PACRG: variants seen among roughly 807,000 people sequenced by gnomAD.
The protein encoded by PACRG is parkin coregulated.
Under a neutral mutation model 29.7 loss-of-function variants are expected in PACRG, and 29 were observed. The ratio of observed to expected loss-of-function variants is 0.98; its 90% CI spans 0.73 to 1.33. The LOEUF is 1.33. PACRG is among the 40% of genes most tolerant of loss of function. The pLI is 0.00. For synonymous variants in PACRG, 116 were observed against 118.7 expected (o/e 0.98, Z 0.15); for missense variants, 279 against 316.2 (o/e 0.88, Z 0.89).
chr6:163,035,972 A>G (rs946462405), intron 2 of PACRG, among the ~76,000 whole-genome samples: 6 of 152,136 alleles, frequency 3.9e-5, no homozygotes, highest in African/African-American at 1.4e-4. Flanking sequence ...ACTGGGAACA[A>G]TGAAAGGAAA....
At chr6:163,102,416 A>G (rs1199526493) in intron 4 of PACRG, among the ~76,000 whole-genome samples, 1 of 152,218 alleles carries the variant, frequency 6.6e-6, no homozygotes, top group Non-Finnish European at 1.5e-5. Flanking sequence ...CACCATCAAC[A>G]TAACCCTCCT....
rs73014993 is a variant in PACRG at position 163,181,562 on chromosome 6, C to T, written c.613+92154C>T. Among the ~76,000 whole-genome samples the T allele has an allele frequency of 7.9e-3, 1,067 of 134,698 alleles. 7 individuals carry two copies. Among genetic ancestry groups the T allele is most frequent in the South Asian group, 0.048 (198 of 4,132 alleles). The allele number at this position is 134,698 out of a possible 152,430, so 88.4% of individuals were successfully genotyped here. A position where few individuals can be genotyped will look rare whatever the true frequency, so the allele number is the denominator to read the frequency against. On this transcript the variant is annotated intron_variant, in intron 4 of 4. Transcript: ENST00000366888. ...GAGGATTTGCCCCTGGAAATGGGTC[C>T]TCATGGACAGGGGAGAATCAGAGAT...
chr6:163,122,959 C>A (rs1275792382), intron 4 of PACRG, among the ~76,000 whole-genome samples: 2 of 152,158 alleles, frequency 1.3e-5, no homozygotes, highest in African/African-American at 2.4e-5. Context: ...ACACCAGGGT[C>A]CTTTGTCTCA....
chr6:162,954,876 T>C (rs1799906045), intron 2 of PACRG, among the ~76,000 whole-genome samples: 1 of 152,236 alleles, frequency 6.6e-6, no homozygotes, highest in African/African-American at 2.4e-5. Flanking sequence ...CAGCTGGTTT[T>C]ACCTTTTTAT....
chr6:162,952,032 T>C (rs1799690385), intron 2 of PACRG, among the ~76,000 whole-genome samples: 1 of 152,182 alleles, frequency 6.6e-6, no homozygotes, highest in African/African-American at 2.4e-5. Flanking sequence ...AGATTTGTCC[T>C]TAAACAAAAA....
At chr6:162,914,257 AT>A (rs1313169345) in intron 2 of PACRG, among the ~76,000 whole-genome samples, 1 of 151,998 alleles carries the variant, frequency 6.6e-6, no homozygotes, top group African/African-American at 2.4e-5. Context: ...TAAATTGTCT[AT>A]TTTTTTCCAT....
intron 4 of PACRG, chr6:163,112,180 T>C: frequency 3.1e-6 from 1 of 321,774 alleles, no homozygotes; most frequent in Non-Finnish European, 4.5e-6. Flanking sequence ...CTGATGGAAC[T>C]TTTTTTGAAG....
chr6:162,980,670 T>C (rs1802335587), intron 2 of PACRG, among the ~76,000 whole-genome samples: 1 of 152,190 alleles, frequency 6.6e-6, no homozygotes, highest in Non-Finnish European at 1.5e-5. Context: ...TGCAGAAGGA[T>C]AATTTGCTCA....
intron 4 of PACRG, among the ~76,000 whole-genome samples, chr6:163,133,362 G>A (rs909248780): frequency 1.2e-4 from 19 of 152,284 alleles, no homozygotes; most frequent in African/African-American, 4.3e-4. Context: ...ACAAGTCTCT[G>A]CATCAAGGAG....
chr6:163,295,570 AT>A (rs567133152), intron 4 of PACRG, among the ~76,000 whole-genome samples: 2 of 152,204 alleles, frequency 1.3e-5, no homozygotes, highest in African/African-American at 4.8e-5. Flanking sequence ...AGAAAGTAAC[AT>A]TTTTTAGCAC....
intron 4 of PACRG, among the ~76,000 whole-genome samples, chr6:163,277,335 A>G (rs1488664230): frequency 6.6e-6 from 1 of 151,900 alleles, no homozygotes; most frequent in Non-Finnish European, 1.5e-5. Flanking sequence ...GCTCCCATGT[A>G]TGAGTGAGAA....
chr6:163,313,025 G>C (rs181129335), intron 4 of PACRG: 1 of 203,498 alleles, frequency 4.9e-6, no homozygotes, highest in Non-Finnish European at 1.0e-5. Flanking sequence ...CAAAGTGCTG[G>C]TATTACAGGC....
Position 163,065,804 on chromosome 6 carries a change from G to A in PACRG, c.463+3483G>A, listed in dbSNP as rs757258303. Among the ~76,000 whole-genome samples the A allele has an allele frequency of 4.6e-5, 7 of 152,166 alleles. No homozygotes were observed. In the East Asian group the frequency reaches 5.8e-4, roughly 13 times the overall value. On this transcript the variant is annotated intron_variant, in intron 3 of 4. Coordinates refer to ENST00000366888, the MANE Select transcript of PACRG (RefSeq NM_001080379.2). ...CAGGACAAGGCAAACTGAAAATGCC[G>A]TAGTAGAACTAAAATCTCCATAGAA... is the stretch of plus-strand genomic sequence containing the variant.
chr6:163,017,363 A>T (rs2128217620), intron 2 of PACRG, among the ~76,000 whole-genome samples: 1 of 152,332 alleles, frequency 6.6e-6, no homozygotes, highest in Middle Eastern at 3.4e-3. Flanking sequence ...AACATCATTT[A>T]CAAAATCTAC....
chr6:162,728,549 G>A (rs1397215357), intron 1 of PACRG, among the ~76,000 whole-genome samples, 158 bp downstream of exon 1: 8 of 152,206 alleles, frequency 5.3e-5, no homozygotes, highest in African/African-American at 1.9e-4. Flanking sequence ...GCCCCACAGT[G>A]TGTGGGGGGC....
intron 1 of PACRG, among the ~76,000 whole-genome samples, chr6:162,757,832 T>C (rs1229876386): frequency 1.3e-5 from 2 of 152,104 alleles, no homozygotes; most frequent in Non-Finnish European, 2.9e-5. Flanking sequence ...AAAAGACCAA[T>C]ATTCTGTAGA....
At chr6:162,886,025 A>G (rs569068847) in intron 2 of PACRG, among the ~76,000 whole-genome samples, 1 of 152,280 alleles carries the variant, frequency 6.6e-6, no homozygotes, top group African/African-American at 2.4e-5. Flanking sequence ...CTGATGCAGA[A>G]TCTAGTCCAG....
chr6:163,035,833 A>AC, intron 2 of PACRG, among the ~76,000 whole-genome samples: 1 of 151,424 alleles, frequency 6.6e-6, no homozygotes, highest in East Asian at 1.9e-4. Flanking sequence ...AAAAAAAAAA[A>AC]ACAAAGAATG....
intron 4 of PACRG, among the ~76,000 whole-genome samples, chr6:163,283,717 C>T (rs1488621816): frequency 3.3e-5 from 5 of 150,464 alleles, no homozygotes; most frequent in East Asian, 2.0e-4. Context: ...AGGAGAATGG[C>T]GTGAACCCGG....
Sources: gnomAD v4.1 joint callset for allele counts (sites outside exome capture counted in the v4.1 genomes callset) on GRCh38, gnomAD v4.1.1 for gene constraint, MANE v1.5 for transcripts, NCBI Gene and HGNC (gene_info 2026-07-23, HGNC 2026-07-21) for gene names.